Variants in GNA12 observed in about 807,000 individuals in gnomAD.
GNA12 encodes guanine nucleotide-binding protein subunit alpha-12.
In GNA12, 9 loss-of-function variants were observed where a neutral mutation model predicts 26.0. The observed-to-expected ratio is 0.35, with a 90% CI of 0.21 to 0.60. The LOEUF is 0.60. Among genes scored for constraint, GNA12 ranks in the 20% least tolerant of loss-of-function variants. The pLI, the probability that GNA12 is intolerant of heterozygous loss-of-function variation, is 0.78. For synonymous variants in GNA12, 264 were observed against 219.6 expected, an observed-to-expected ratio of 1.20 and a Z score of -1.79; for missense variants, 405 against 525.8, an observed-to-expected ratio of 0.77 and a Z score of 2.25.
intron 1 of GNA12, among the ~76,000 whole-genome samples, chr7:2,826,974 C>T (rs1793499006): frequency 6.6e-6 from 1 of 152,170 alleles, no homozygotes; most frequent in African/African-American, 2.4e-5. Flanking sequence ...ACTTTCCCAA[C>T]CCTAGCACAC....
In GNA12 at chr7:2,831,593, C is replaced by T. The variant is rs540209398; in HGVS notation, c.309+12260G>A. 7.2e-5 allele frequency among the ~76,000 whole-genome samples: 11 copies of T among 151,864 alleles called. No individual in the cohort carries two copies. In the South Asian group the frequency reaches 8.3e-4, roughly 12 times the overall value. ...TATTTTTTTGTATTTTTAGTAGAGACGGGGTTTCACCGTGTTAGCCAGGAT... is the reference window on the plus strand; with the variant it reads ...TATTTTTTTGTATTTTTAGTAGAGATGGGGTTTCACCGTGTTAGCCAGGAT... On this transcript the variant is annotated intron_variant, in intron 1 of 3. Coordinates refer to ENST00000275364, the MANE Select transcript of GNA12 (RefSeq NM_007353.3).
At chr7:2,732,501 G>A (rs557677548) in intron 3 of GNA12, among the ~76,000 whole-genome samples, 10 of 152,242 alleles carry the variant, frequency 6.6e-5, no homozygotes, top group South Asian at 2.1e-4. Flanking sequence ...AGTTACGATC[G>A]TGCCACTGTA....
At chr7:2,821,705 C>A (rs549898794) in intron 1 of GNA12, among the ~76,000 whole-genome samples, 1 of 152,312 alleles carries the variant, frequency 6.6e-6, no homozygotes, top group South Asian at 2.1e-4. Flanking sequence ...GCTAGGTAAG[C>A]TCTTTCCCTT....
At chr7:2,799,670 G>T (rs1792761264) in intron 1 of GNA12, among the ~76,000 whole-genome samples, 1 of 149,880 alleles carries the variant, frequency 6.7e-6, no homozygotes, top group South Asian at 2.1e-4. Flanking sequence ...GAAATGAAGA[G>T]AAAAAAAAAA....
intron 2 of GNA12, among the ~76,000 whole-genome samples, chr7:2,758,484 T>C (rs1178000292): frequency 6.6e-6 from 1 of 152,126 alleles, no homozygotes; most frequent in African/African-American, 2.4e-5. Flanking sequence ...CCCTGTGCAA[T>C]TTCTTCCCCT....
At position 2,760,928 on chromosome 7, in the gene GNA12, C is replaced by T. The variant is rs867153100; in HGVS notation, c.526-27427G>A. Among the ~76,000 whole-genome samples the T allele has an allele frequency of 4.1e-4, 63 of 152,296 alleles. 1 individual carries two copies. The highest frequency in any genetic ancestry group is 1.5e-3 in the African/African-American group (61 of 41,560). On this transcript the variant is annotated intron_variant, in intron 2 of 3. Coordinates refer to ENST00000275364, the MANE Select transcript of GNA12 (RefSeq NM_007353.3). ...GGGGAGTGGGGGGTTCTGGCTGGCA[C>T]CTTCCCCACTCCAGCTCCCCCTGTC... is the stretch of plus-strand genomic sequence containing the variant.
intron 1 of GNA12, among the ~76,000 whole-genome samples, chr7:2,803,159 C>A (rs1352440385): frequency 6.6e-6 from 1 of 152,178 alleles, no homozygotes; most frequent in Admixed American, 6.5e-5. Context: ...ACAAGCGTAG[C>A]AGCAAGACAG....
chr7:2,746,455 G>A lies in GNA12; in HGVS notation c.526-12954C>T, dbSNP rs1199038061. On this transcript the variant is annotated intron_variant, in intron 2 of 3. Coordinates refer to ENST00000275364, the MANE Select transcript of GNA12 (RefSeq NM_007353.3). ...ATGAAATGAAGGCAGAAATAAAGAT[G>A]TTCTTTGAAACCAACGAGAACAAAG... Among the ~76,000 whole-genome samples, 3 of 152,286 alleles carry A rather than the reference G, an allele frequency of 2.0e-5. No homozygotes were observed. The East Asian group carries it at 5.8e-4, about 29-fold the overall frequency.
intron 2 of GNA12, among the ~76,000 whole-genome samples, chr7:2,769,049 G>T (rs1489482671): frequency 6.6e-6 from 1 of 152,092 alleles, no homozygotes; most frequent in Non-Finnish European, 1.5e-5. Context: ...GATTACAGGT[G>T]TGCACCACCA....
intron 2 of GNA12, among the ~76,000 whole-genome samples, chr7:2,747,739 T>C (rs1790835970): frequency 6.6e-6 from 1 of 152,256 alleles, no homozygotes; most frequent in African/African-American, 2.4e-5. Context: ...TTGTCCCTGT[T>C]TGCAGACGAC....
At chr7:2,742,515 C>T (rs970430842) in intron 2 of GNA12, among the ~76,000 whole-genome samples, 32 of 152,186 alleles carry the variant, frequency 2.1e-4, no homozygotes, top group Non-Finnish European at 2.9e-4. Flanking sequence ...GACTCACAGA[C>T]GCTGTCATTT....
chr7:2,783,734 G>C (rs1320887935), intron 2 of GNA12, among the ~76,000 whole-genome samples: 3 of 150,782 alleles, frequency 2.0e-5, no homozygotes, highest in African/African-American at 4.9e-5. Context: ...CCCCAGGTTG[G>C]AGTGCAGTGG....
At chr7:2,784,418 A>C (rs1792309334) in intron 2 of GNA12, among the ~76,000 whole-genome samples, 1 of 152,246 alleles carries the variant, frequency 6.6e-6, no homozygotes, top group Admixed American at 6.5e-5. Context: ...ATGCCCAGCC[A>C]AGCTGGAAAT....
chr7:2,731,262 G>A lies in GNA12; in HGVS notation c.1065C>T (p.Asp355=). 1.2e-6 allele frequency: 2 copies of A among 1,613,866 alleles called. No individual in the cohort carries two copies. The highest frequency in any genetic ancestry group is 1.7e-6 in the Non-Finnish European group (2 of 1,179,956). ...PLFHHFTTAI[D]TENVRFVFHA... ...GGAACACGAAGCGGACGTTCTCGGTGTCGATGGCGGTGGTGAAGTGGTGGA... is the reference window on the plus strand; with the variant it reads ...GGAACACGAAGCGGACGTTCTCGGTATCGATGGCGGTGGTGAAGTGGTGGA... Residue 355 remains aspartate (D), a synonymous_variant, in exon 4 of 4, where the codon GAC becomes GAT. Coordinates refer to ENST00000275364, the MANE Select transcript of GNA12 (RefSeq NM_007353.3). The surrounding 1 kb of genome is among the most constrained non-coding windows in gnomAD (Gnocchi z 6.0).
intron 2 of GNA12, among the ~76,000 whole-genome samples, chr7:2,756,594 G>A (rs190382888): frequency 1.3e-4 from 20 of 150,808 alleles, no homozygotes; most frequent in Non-Finnish European, 1.8e-4. Context: ...CAGCCTGAGT[G>A]AGACCCTGTC....
intron 2 of GNA12, among the ~76,000 whole-genome samples, chr7:2,759,177 AAATAAATAAAT>A (rs1158383254): frequency 4.0e-5 from 6 of 149,030 alleles, no homozygotes; most frequent in African/African-American, 1.5e-4. Flanking sequence ...ATAAATAAAT[AAATAAATAAAT>A]AAAATAAAAA....
chr7:2,777,254 T>C (rs1317625819), intron 2 of GNA12, among the ~76,000 whole-genome samples: 2 of 152,090 alleles, frequency 1.3e-5, no homozygotes, highest in African/African-American at 2.4e-5. Flanking sequence ...TAGCAGAGGG[T>C]AACGGAATGA....
chr7:2,787,655 G>A (rs973493551), intron 2 of GNA12, among the ~76,000 whole-genome samples: 3 of 152,210 alleles, frequency 2.0e-5, no homozygotes, highest in Non-Finnish European at 2.9e-5. Context: ...GCTGAAGGCC[G>A]CTTCCGTTGT....
intron 2 of GNA12, chr7:2,762,830 C>A: frequency 6.6e-7 from 1 of 1,508,174 alleles, no homozygotes. Context: ...GCCACACACC[C>A]AGTCAGCGCG....
Sources: allele counts gnomAD v4.1 joint callset (sites outside exome capture counted in the v4.1 genomes callset), GRCh38; gene constraint gnomAD v4.1.1; non-coding constraint Gnocchi (gnomAD v3.1); transcripts MANE v1.5; gene names NCBI Gene and HGNC (gene_info 2026-07-23, HGNC 2026-07-21).